The following UGGT1 variants were observed in gnomAD, a reference collection of about 807,000 sequenced individuals.
UGGT1 encodes the protein UDP-glucose:glycoprotein glucosyltransferase 1.
In UGGT1, 107 loss-of-function variants were observed where a neutral mutation model predicts 203.9. The observed-to-expected ratio is 0.52, with a 90% confidence interval of 0.45 to 0.62. UGGT1 has a LOEUF of 0.62. Among genes scored for constraint, UGGT1 ranks in the 20% least tolerant of loss-of-function variants. The pLI, the probability that UGGT1 is intolerant of heterozygous loss-of-function variation, is 0.00. For missense variants in UGGT1, 1,673 were observed against 1,867.2 expected (o/e 0.90, Z 1.92); for synonymous variants, 628 against 653.5 (o/e 0.96, Z 0.59).
At chr2:128,132,084 T>C (rs1688906491) in intron 13 of UGGT1, among the ~76,000 whole-genome samples, 2 of 152,206 alleles carry the variant, frequency 1.3e-5, no homozygotes, top group Admixed American at 1.3e-4. Flanking sequence ...TCACTTTTTC[T>C]GTCTAGCGAG....
chr2:128,173,634 A>G lies in UGGT1; in HGVS notation c.3295-147A>G, dbSNP rs1187805948. 8 of 999,828 alleles carry G rather than the reference A, an allele frequency of 8.0e-6. No homozygotes were observed. The East Asian group carries it at 2.1e-4, about 27-fold the overall frequency. The allele number at this position is 999,828 out of a possible 1,614,324, so 61.9% of individuals were successfully genotyped here. A position where few individuals can be genotyped will look rare whatever the true frequency, so the allele number is the denominator to read the frequency against. ...AACAACTGATCTGCTTTCTGTCATT[A>G]TACTTTTGTCTTTTCTTGAATTTCT... On this transcript the variant is annotated intron_variant, in intron 29 of 40. Coordinates refer to ENST00000259253, the MANE Select transcript of UGGT1 (RefSeq NM_020120.4).
At chr2:128,101,519 A>G (rs1314461185) in intron 2 of UGGT1, among the ~76,000 whole-genome samples, 1 of 152,222 alleles carries the variant, frequency 6.6e-6, no homozygotes, top group African/African-American at 2.4e-5. Flanking sequence ...AGGAGGTATT[A>G]TTAAAATCAA....
chr2:128,157,651 A>G (rs1215147093), intron 22 of UGGT1, among the ~76,000 whole-genome samples: 3 of 152,202 alleles, frequency 2.0e-5, no homozygotes, highest in African/African-American at 7.2e-5. Flanking sequence ...TGCTCCAACA[A>G]TTGTGTTGTG....
chr2:128,105,578 G>A (rs372852381), intron 3 of UGGT1, among the ~76,000 whole-genome samples: 5 of 151,074 alleles, frequency 3.3e-5, no homozygotes, highest in African/African-American at 9.7e-5. Context: ...GCAGTGGCGC[G>A]ATCTCGACTC....
At chr2:128,165,828 C>A (rs573456106) in intron 26 of UGGT1, among the ~76,000 whole-genome samples, 50 of 152,102 alleles carry the variant, frequency 3.3e-4, no homozygotes, top group African/African-American at 1.2e-3. Flanking sequence ...GTAGCGTGAT[C>A]TCAGCTCACT....
chr2:128,158,142 A>C (rs916630560), intron 22 of UGGT1, among the ~76,000 whole-genome samples: 3 of 152,244 alleles, frequency 2.0e-5, no homozygotes, highest in African/African-American at 7.2e-5. Context: ...TATATGTGAA[A>C]GGCACTCTAA....
intron 2 of UGGT1, 51 bp downstream of exon 2, chr2:128,097,615 C>G (rs1224282867): frequency 1.3e-6 from 2 of 1,597,954 alleles, no homozygotes; most frequent in African/African-American, 2.7e-5. Context: ...AATATAGGCT[C>G]TGACAGTGAA....
intron 13 of UGGT1, 143 bp downstream of exon 13, chr2:128,129,322 T>TTG: frequency 1.0e-6 from 1 of 1,000,280 alleles, no homozygotes; most frequent in Non-Finnish European, 1.4e-6. Context: ...ATATGGGACT[T>TTG]TGTGTATGTA....
chr2:128,097,321 G>A, intron 1 of UGGT1, 108 bp from the exon 2 acceptor site: 1 of 1,307,604 alleles, frequency 7.6e-7, no homozygotes, highest in Non-Finnish European at 1.0e-6. Context: ...GGTTGCATGA[G>A]CCGAGATTGC....
intron 16 of UGGT1, among the ~76,000 whole-genome samples, chr2:128,141,175 T>C (rs1235881585): frequency 1.3e-5 from 2 of 151,794 alleles, no homozygotes; most frequent in Non-Finnish European, 2.9e-5. Flanking sequence ...AATACAAAAA[T>C]TGGCCATGTG....
chr2:128,106,168 T>C (rs1687597585), intron 3 of UGGT1, among the ~76,000 whole-genome samples: 1 of 151,556 alleles, frequency 6.6e-6, no homozygotes, highest in Non-Finnish European at 1.5e-5. Flanking sequence ...CAAGCATCTG[T>C]AGGTTTTACT....
intron 15 of UGGT1, among the ~76,000 whole-genome samples, chr2:128,137,986 T>G (rs561994320): frequency 6.6e-6 from 1 of 152,346 alleles, no homozygotes; most frequent in South Asian, 2.1e-4. Flanking sequence ...TTTTTTGGCT[T>G]TTCTTTTACC....
chr2:128,110,337 G>T (rs1185327098), intron 5 of UGGT1, among the ~76,000 whole-genome samples: 1 of 152,128 alleles, frequency 6.6e-6, no homozygotes, highest in African/African-American at 2.4e-5. Flanking sequence ...CTCTCCGTGG[G>T]GTTGGCCGGC....
At position 128,161,280 on chromosome 2, in the gene UGGT1, C is replaced by T. The variant is rs558735687; in HGVS notation, c.2825+12C>T. ...GTAGAAGAAGATGTGTAAGTTTTGC[C>T]ATAGGAGGAATTACAGGGGTTATAT... is the stretch of plus-strand genomic sequence containing the variant. On this transcript the variant is annotated intron_variant, in intron 25 of 40. Transcript: ENST00000259253. 8.1e-5 allele frequency: 130 copies of T among 1,612,140 alleles called. No individual in the cohort carries two copies. Among genetic ancestry groups the T allele is most frequent in the Admixed American group, 3.5e-4 (21 of 59,914 alleles).
intron 5 of UGGT1, among the ~76,000 whole-genome samples, chr2:128,112,454 T>TTTTATATATATA (rs149422257): frequency 3.6e-5 from 2 of 55,812 alleles, no homozygotes; most frequent in African/African-American, 1.1e-4. Flanking sequence ...AAATACTATG[T>TTTTATATATATA]TATATATATA....
chr2:128,174,907 G>A (rs1558820673), intron 31 of UGGT1, 49 bp downstream of exon 31: 2 of 1,520,226 alleles, frequency 1.3e-6, no homozygotes, highest in Non-Finnish European at 1.8e-6. Context: ...TTAGAAATGA[G>A]CATTAGCTCT....
intron 8 of UGGT1, among the ~76,000 whole-genome samples, chr2:128,119,681 C>T (rs1477509116): frequency 6.6e-6 from 1 of 152,092 alleles, no homozygotes; most frequent in African/African-American, 2.4e-5. Context: ...CAGTTTTTTT[C>T]CCTTCAGTTT....
chr2:128,127,842 G>A (rs34205855), intron 12 of UGGT1, among the ~76,000 whole-genome samples: 24,796 of 152,174 alleles, frequency 0.16, 2,385 homozygotes, highest in South Asian at 0.32. Context: ...GGGAGGCTGA[G>A]GCCGGCGGAT....
chr2:128,093,800 T>G (rs1686979462), intron 1 of UGGT1, among the ~76,000 whole-genome samples: 1 of 152,184 alleles, frequency 6.6e-6, no homozygotes, highest in Admixed American at 6.5e-5. Flanking sequence ...TCTTCGAGCT[T>G]TCACTTATTT....
Sources: allele counts gnomAD v4.1 joint callset (sites outside exome capture counted in the v4.1 genomes callset), GRCh38; gene constraint gnomAD v4.1.1; transcripts MANE v1.5; gene names NCBI Gene and HGNC (gene_info 2026-07-23, HGNC 2026-07-21).